The following AFM variants were observed in gnomAD, a reference collection of about 807,000 sequenced individuals.
The protein encoded by AFM is alpha-Alb.
Under a neutral mutation model 68.7 loss-of-function variants are expected in AFM, and 82 were observed. The ratio of observed to expected loss-of-function variants is 1.19; its 90% CI spans 1.00 to 1.43. AFM has a LOEUF of 1.43. Ranked by LOEUF, AFM falls within the 40% of genes most tolerant of loss-of-function variation. The probability of loss-of-function intolerance (pLI) is 0.00; values close to 1 mark genes in which losing one functional copy is unlikely to be tolerated. For synonymous variants in AFM, 250 were observed against 234.2 expected (o/e 1.07, Z -0.61); for missense variants, 772 against 701.8 (o/e 1.10, Z -1.13).
chr4:73,491,951 C>T lies in AFM; in HGVS notation c.923C>T (p.Pro308Leu), dbSNP rs1721080594. 5 of 1,613,872 alleles carry T rather than the reference C, an allele frequency of 3.1e-6. No homozygotes were observed. The highest frequency in any genetic ancestry group is 4.2e-6 in the Non-Finnish European group (5 of 1,179,876). Residue 308 changes from proline (P) to leucine (L), a missense_variant, in exon 8 of 15, where the codon CCA becomes CTA. Coordinates refer to ENST00000226355, the MANE Select transcript of AFM (RefSeq NM_001133.2). ...KIKECCEKKI[P>L]ERGQCIINSN... is the part of the protein sequence containing the mutation. ...AAAGAGTGCTGTGAAAAGAAAATAC[C>T]AGAGCGCGGCCAGTGCATAATTAAC...
rs1721085332 is a variant in AFM at position 73,492,048 on chromosome 4, T to A, written c.1020T>A (p.Cys340Ter). ...AATTTACTGACAGTGAAAATGTGTGTCAAGAACGAGATGCTGACCCAGACA... is the reference window on the plus strand; with the variant it reads ...AATTTACTGACAGTGAAAATGTGTGACAAGAACGAGATGCTGACCCAGACA... ...EGKFTDSENV[C>*]QERDADPDTF... The change falls in exon 8 of 15, where the codon TGT (cysteine) becomes TGA (stop). Residue 340 changes from cysteine to a stop codon, truncating the protein, a stop_gained. Transcript: ENST00000226355. LOFTEE classifies it high-confidence loss of function. The A allele has an allele frequency of 2.3e-5, 37 of 1,612,976 alleles. No individual in the cohort carries two copies. Among genetic ancestry groups the A allele is most frequent in the Non-Finnish European group, 3.1e-5 (37 of 1,179,752 alleles).
intron 8 of AFM, among the ~76,000 whole-genome samples, chr4:73,494,271 C>G (rs1029627237): frequency 6.6e-6 from 1 of 151,816 alleles, no homozygotes; most frequent in East Asian, 1.9e-4. Context: ...TCAAGAAGGT[C>G]AAATCCTGAA....
chr4:73,488,028 G>A (rs1720956806), intron 6 of AFM, among the ~76,000 whole-genome samples: 1 of 152,052 alleles, frequency 6.6e-6, no homozygotes, highest in African/African-American at 2.4e-5. Context: ...AAAAGAGAAT[G>A]GTGGCTGGGT....
At chr4:73,486,858 C>T in intron 4 of AFM, 109 bp from the exon 5 acceptor site, 10 of 1,091,074 alleles carry the variant, frequency 9.2e-6, no homozygotes, top group Middle Eastern at 2.8e-4. Flanking sequence ...TTTTTCTTTT[C>T]CTTCCCATCT....
chr4:73,497,736 G>A lies in AFM; in HGVS notation c.1276G>A (p.Gly426Ser). Residue 426 changes from glycine (G) to serine (S), a missense_variant, in exon 10 of 15, where the codon GGT becomes AGT. Gly to Ser is a moderately conservative substitution (Grantham distance 56, BLOSUM62 0). Coordinates refer to ENST00000226355, the MANE Select transcript of AFM (RefSeq NM_001133.2). ...ACATTTCCAGAATTTGGGGAAGGATGGTTTGAAATACCAGTATGTTGTTTG... is the reference window on the plus strand; with the variant it reads ...ACATTTCCAGAATTTGGGGAAGGATAGTTTGAAATACCAGTATGTTGTTTG... ...CKHFQNLGKD[G>S]LKYHYLIRLT... The A allele has an allele frequency of 1.3e-6, 2 of 1,598,786 alleles. No individual in the cohort carries two copies. The highest frequency in any genetic ancestry group is 2.7e-5 in the African/African-American group (2 of 74,338).
intron 13 of AFM, 60 bp downstream of exon 13, chr4:73,501,979 CA>C: frequency 6.4e-7 from 1 of 1,572,486 alleles, no homozygotes; most frequent in Non-Finnish European, 8.6e-7. Context: ...TAAAATAAAA[CA>C]GAACCCTGCA....
At position 73,495,334 on chromosome 4, in the gene AFM, C is replaced by G; in HGVS notation, c.1093C>G (p.Leu365Val). 2 of 1,608,040 alleles carry G rather than the reference C, an allele frequency of 1.2e-6. No homozygotes were observed. Among genetic ancestry groups the G allele is most frequent in the Non-Finnish European group, 1.7e-6 (2 of 1,178,438 alleles). The change falls in exon 9 of 15, where the codon CTG (leucine) becomes GTG (valine). Residue 365 changes from leucine (L) to valine (V), a missense_variant. Leu to Val is a conservative substitution (Grantham distance 32). Coordinates refer to ENST00000226355, the MANE Select transcript of AFM (RefSeq NM_001133.2). ...TFEYSRRHPD[L>V]SIPELLRIVQ... ...TGAATACTCAAGGAGACATCCAGAC[C>G]TGTCTATACCAGAGCTTTTAAGAAT...
intron 8 of AFM, among the ~76,000 whole-genome samples, chr4:73,493,299 T>G (rs72856638): frequency 0.043 from 6,480 of 152,298 alleles, 209 homozygotes; most frequent in African/African-American, 0.084. Flanking sequence ...TTTAGAAACC[T>G]CATCTGAAGA....
chr4:73,501,920 G>C lies in AFM; in HGVS notation c.1779+1G>C. Reference sequence around the variant, plus strand: ...TCCTGAAGTCTGCTTTAATGAAGAGGTAGTTTTATTTCTTTTCTACTGAAA... The same window carrying C: ...TCCTGAAGTCTGCTTTAATGAAGAGCTAGTTTTATTTCTTTTCTACTGAAA... On this transcript the variant is annotated splice_donor_variant, in intron 13 of 14. Transcript: ENST00000226355. LOFTEE classifies it high-confidence loss of function. 1.9e-6 allele frequency: 3 copies of C among 1,610,456 alleles called. No homozygotes were observed. Among genetic ancestry groups the C allele is most frequent in the Non-Finnish European group, 2.5e-6 (3 of 1,178,652 alleles).
chr4:73,496,953 T>C (rs1326931469), intron 9 of AFM, among the ~76,000 whole-genome samples: 1 of 152,180 alleles, frequency 6.6e-6, no homozygotes, highest in Non-Finnish European at 1.5e-5. Context: ...GGAATAAGAC[T>C]TGGATCCCTG....
At chr4:73,482,072 A>T (rs1429626699) in intron 1 of AFM, among the ~76,000 whole-genome samples, 2 of 152,214 alleles carry the variant, frequency 1.3e-5, no homozygotes, top group Non-Finnish European at 2.9e-5. Flanking sequence ...ATGAAGAAAG[A>T]GTTGTCACAT....
intron 12 of AFM, among the ~76,000 whole-genome samples, chr4:73,500,839 G>A (rs1452134766): frequency 1.3e-5 from 2 of 152,102 alleles, no homozygotes; most frequent in Non-Finnish European, 2.9e-5. Flanking sequence ...CTCTTATTAT[G>A]TGCAATATTC....
At position 73,484,273 on chromosome 4, in the gene AFM, T is replaced by G; in HGVS notation, c.153T>G (p.Phe51Leu). The G allele has an allele frequency of 6.2e-7, 1 of 1,610,800 alleles. No individual in the cohort carries two copies. Among genetic ancestry groups the G allele is most frequent in the Non-Finnish European group, 8.5e-7 (1 of 1,179,104 alleles). ...ACTGTTGCAGCACCATCATTGCATTTGCTCAGTATGTTCAGGAAGCAACCT... is the reference window on the plus strand; with the variant it reads ...ACTGTTGCAGCACCATCATTGCATTGGCTCAGTATGTTCAGGAAGCAACCT... ...DNIEYITIIA[F>L]AQYVQEATFE... Residue 51 changes from phenylalanine to leucine, a missense_variant, in exon 3 of 15, where the codon TTT (phenylalanine) becomes TTG (leucine). Transcript: ENST00000226355.
At position 73,499,170 on chromosome 4, in the gene AFM, C is replaced by A. The variant is rs1443505725; in HGVS notation, c.1346C>A (p.Ser449Tyr). 1.2e-6 allele frequency: 2 copies of A among 1,613,482 alleles called. No homozygotes were observed. Among genetic ancestry groups the A allele is most frequent in the South Asian group, 1.1e-5 (1 of 91,014 alleles). The change falls in exon 11 of 15, where the codon TCT becomes TAT. Residue 449 changes from serine to tyrosine, a missense_variant. Coordinates refer to ENST00000226355, the MANE Select transcript of AFM (RefSeq NM_001133.2). Reference sequence around the variant, plus strand: ...CAACTCTCCACTGAAGAACTGGTGTCTCTTGGCGAGAAAATGGTGACAGCT... The same window carrying A: ...CAACTCTCCACTGAAGAACTGGTGTATCTTGGCGAGAAAATGGTGACAGCT... ...APQLSTEELV[S>Y]LGEKMVTAFT...
intron 8 of AFM, 104 bp from the exon 9 acceptor site, chr4:73,495,196 T>A: frequency 9.1e-7 from 1 of 1,103,582 alleles, no homozygotes; most frequent in South Asian, 2.1e-5. Flanking sequence ...AAATTAGCTT[T>A]TGAAAGCAGA....
intron 1 of AFM, among the ~76,000 whole-genome samples, chr4:73,482,481 A>G (rs970159178): frequency 6.6e-6 from 1 of 152,184 alleles, no homozygotes; most frequent in Non-Finnish European, 1.5e-5. Context: ...AATGTGCCCT[A>G]AGCATGGCAG....
At chr4:73,492,127 GAAAC>G in intron 8 of AFM, 41 bp downstream of exon 8, 1 of 1,548,900 alleles carries the variant, frequency 6.5e-7, no homozygotes, top group Non-Finnish European at 8.8e-7. Context: ...GAAACAGAAA[GAAAC>G]TTATAAGATT....
intron 9 of AFM, among the ~76,000 whole-genome samples, chr4:73,497,206 C>T (rs571194325): frequency 5.1e-4 from 78 of 152,158 alleles, no homozygotes; most frequent in Non-Finnish European, 9.7e-4. Flanking sequence ...ATGAAAAAAT[C>T]AAAAAGAGCA....
chr4:73,487,184 G>T, intron 5 of AFM, 85 bp downstream of exon 5: 1 of 1,436,652 alleles, frequency 7.0e-7, no homozygotes, highest in Non-Finnish European at 9.5e-7. Context: ...ATAGCAAAAG[G>T]CTTGCTTACC....
Sources: allele counts gnomAD v4.1 joint callset (sites outside exome capture counted in the v4.1 genomes callset), GRCh38; gene constraint gnomAD v4.1.1; transcripts MANE v1.5; gene names NCBI Gene and HGNC (gene_info 2026-07-23, HGNC 2026-07-21).